Variants in PSD3 observed in about 807,000 individuals in gnomAD.
The protein encoded by PSD3 is PH and SEC7 domain-containing protein 3.
A neutral mutation model predicts 105.5 loss-of-function variants in PSD3; 49 were observed. The observed-to-expected ratio is 0.46, with a 90% CI of 0.37 to 0.59. PSD3 has a LOEUF of 0.59. Ranked by LOEUF, PSD3 falls within the 20% of genes least tolerant of loss-of-function variation. The pLI is 0.00. For missense variants in PSD3, 1,561 were observed against 1,263.8 expected, an observed-to-expected ratio of 1.24 and a Z score of -3.57; for synonymous variants, 557 against 457.8, an observed-to-expected ratio of 1.22 and a Z score of -2.77.
intron 14 of PSD3, among the ~76,000 whole-genome samples, chr8:18,558,980 T>G (rs1801239145): frequency 1.3e-5 from 2 of 152,208 alleles, no homozygotes; most frequent in Non-Finnish European, 2.9e-5. Flanking sequence ...AAACATTGCA[T>G]AGTACCCCAC....
chr8:18,784,015 T>G (rs570613021), intron 8 of PSD3, among the ~76,000 whole-genome samples: 1 of 152,232 alleles, frequency 6.6e-6, no homozygotes, highest in African/African-American at 2.4e-5. Flanking sequence ...ATTGTATGAC[T>G]ACATAAATGT....
chr8:18,998,133 C>T (rs1826178146), intron 1 of PSD3, among the ~76,000 whole-genome samples: 1 of 151,942 alleles, frequency 6.6e-6, no homozygotes, highest in Admixed American at 6.6e-5. Context: ...GACTGTGACA[C>T]AGAACTGCAT....
chr8:18,582,712 T>C (rs1395192912), intron 12 of PSD3, among the ~76,000 whole-genome samples: 3 of 152,038 alleles, frequency 2.0e-5, no homozygotes, highest in African/African-American at 7.2e-5. Flanking sequence ...TAGAGCTATG[T>C]TTCCCCCTCC....
chr8:18,765,366 G>A, intron 9 of PSD3, 83 bp downstream of exon 9: 2 of 1,234,730 alleles, frequency 1.6e-6, no homozygotes, highest in East Asian at 4.7e-5. Context: ...ATACTTAAGT[G>A]ATCCTTAGCC....
At chr8:18,695,945 C>T (rs544592743) in intron 9 of PSD3, among the ~76,000 whole-genome samples, 31 of 152,266 alleles carry the variant, frequency 2.0e-4, no homozygotes, top group African/African-American at 5.1e-4. Flanking sequence ...GTAACAGGAA[C>T]GGGGGGAATG....
intron 2 of PSD3, among the ~76,000 whole-genome samples, chr8:18,932,398 A>T (rs1428056358): frequency 6.6e-6 from 1 of 152,036 alleles, no homozygotes; most frequent in South Asian, 2.1e-4. Flanking sequence ...ACACACACAA[A>T]CTCTAAAAAG....
At chr8:18,978,178 T>C (rs1321589852) in intron 1 of PSD3, among the ~76,000 whole-genome samples, 1 of 152,230 alleles carries the variant, frequency 6.6e-6, no homozygotes, top group Non-Finnish European at 1.5e-5. Context: ...AGCTGAAGTT[T>C]GCTGAAAAGG....
chr8:18,825,762 T>C (rs1212838041), intron 4 of PSD3, among the ~76,000 whole-genome samples: 1 of 152,258 alleles, frequency 6.6e-6, no homozygotes, highest in African/African-American at 2.4e-5. Flanking sequence ...AACTCATTGC[T>C]GGCTTTAAAA....
At chr8:18,708,397 T>C (rs909012454) in intron 9 of PSD3, among the ~76,000 whole-genome samples, 1 of 152,082 alleles carries the variant, frequency 6.6e-6, no homozygotes, top group Non-Finnish European at 1.5e-5. Flanking sequence ...GAATACTGAA[T>C]ATAGCACCTC....
At chr8:18,613,048 G>C (rs772157941) in intron 11 of PSD3, among the ~76,000 whole-genome samples, 6 of 152,108 alleles carry the variant, frequency 3.9e-5, no homozygotes, top group Non-Finnish European at 8.8e-5. Context: ...CATTAGCTAA[G>C]GGTTACCGGA....
At chr8:18,973,802 C>T (rs913523842) in intron 1 of PSD3, among the ~76,000 whole-genome samples, 1 of 152,172 alleles carries the variant, frequency 6.6e-6, no homozygotes, top group South Asian at 2.1e-4. Context: ...TTTCATTCTG[C>T]TGTTATTATT....
At chr8:19,069,478 G>A (rs1234815011) in intron 1 of PSD3, among the ~76,000 whole-genome samples, 1 of 152,200 alleles carries the variant, frequency 6.6e-6, no homozygotes, top group African/African-American at 2.4e-5. Context: ...TGCAAAATTT[G>A]CAGATTATGC....
chr8:18,970,324 C>CAAA (rs11450922), intron 1 of PSD3, among the ~76,000 whole-genome samples: 4,940 of 45,000 alleles, frequency 0.11, 521 homozygotes, highest in Non-Finnish European at 0.15. Flanking sequence ...GACTCTGCCT[C>CAAA]AAAAAAAAAA....
At chr8:18,960,914 A>G (rs1823871634) in intron 1 of PSD3, among the ~76,000 whole-genome samples, 1 of 151,966 alleles carries the variant, frequency 6.6e-6, no homozygotes, top group Non-Finnish European at 1.5e-5. Context: ...GTAAAACTCC[A>G]TCTCTACAAA....
intron 14 of PSD3, among the ~76,000 whole-genome samples, chr8:18,564,328 G>A (rs1046228482): frequency 1.5e-4 from 23 of 152,112 alleles, no homozygotes; most frequent in African/African-American, 5.3e-4. Context: ...AGCAGTAGGT[G>A]TAGAATATGA....
chr8:18,588,411 G>A (rs1436328099), intron 12 of PSD3, among the ~76,000 whole-genome samples: 3 of 152,108 alleles, frequency 2.0e-5, no homozygotes, highest in African/African-American at 7.2e-5. Flanking sequence ...TTTTAAAAAA[G>A]AGCATTAAGA....
chr8:18,698,877 G>A (rs530527413), intron 9 of PSD3, among the ~76,000 whole-genome samples: 2 of 152,044 alleles, frequency 1.3e-5, no homozygotes, highest in African/African-American at 2.4e-5. Flanking sequence ...CAATAAAAAA[G>A]TACTAGCTTT....
intron 3 of PSD3, among the ~76,000 whole-genome samples, chr8:18,870,301 T>C (rs996252909): frequency 6.6e-6 from 1 of 152,064 alleles, no homozygotes; most frequent in Non-Finnish European, 1.5e-5. Flanking sequence ...CAATTAGAAG[T>C]ACAGTACACA....
chr8:18,900,746 C>T (rs1383200797), intron 2 of PSD3, among the ~76,000 whole-genome samples: 1 of 149,448 alleles, frequency 6.7e-6, no homozygotes, highest in Non-Finnish European at 1.5e-5. Flanking sequence ...CTCAAGACAT[C>T]CTGACACCTC....
Sources: allele counts gnomAD v4.1 joint callset (sites outside exome capture counted in the v4.1 genomes callset), GRCh38; gene constraint gnomAD v4.1.1; transcripts MANE v1.5; gene names NCBI Gene and HGNC (gene_info 2026-07-23, HGNC 2026-07-21).